EFCAB11: variants seen among roughly 807,000 people sequenced by gnomAD.
EFCAB11 encodes EF-hand calcium-binding domain-containing protein 11.
EFCAB11 carries 14 observed loss-of-function variants against 23.0 expected under a neutral mutation model. That is an observed-to-expected ratio of 0.61 (90% CI 0.40 to 0.95). The LOEUF is 0.95. Among genes scored for constraint, EFCAB11 ranks in the 40% least tolerant of loss-of-function variants. EFCAB11 has a pLI of 0.00. For synonymous variants in EFCAB11, 65 were observed against 66.6 expected (o/e 0.98, Z 0.11); for missense variants, 198 against 195.8 (o/e 1.01, Z -0.07).
At chr14:89,935,873 C>A (rs146911740) in intron 3 of EFCAB11, among the ~76,000 whole-genome samples, 1 of 151,942 alleles carries the variant, frequency 6.6e-6, no homozygotes, top group African/African-American at 2.4e-5. Context: ...CCAGGTGTGG[C>A]GGCATGCACC....
chr14:89,952,602 T>G lies in EFCAB11; in HGVS notation c.171+1304A>C, dbSNP rs1393914126. The G allele has an allele frequency of 1.8e-5, 18 of 985,348 alleles. No homozygotes were observed. The East Asian group carries it at 1.6e-3, about 87-fold the overall frequency. 61.0% of individuals were successfully genotyped at this position (985,348 alleles called of 1,614,324 possible). ...GCCACTCTGAACCCACCTGAGCTGTTCATGCAACCTACTTGGGTCAAGAGA... is the reference window on the plus strand; with the variant it reads ...GCCACTCTGAACCCACCTGAGCTGTGCATGCAACCTACTTGGGTCAAGAGA... On this transcript the variant is annotated intron_variant, in intron 2 of 5. Coordinates refer to ENST00000316738, the MANE Select transcript of EFCAB11 (RefSeq NM_145231.4).
chr14:89,906,559 G>A (rs1387548880), intron 5 of EFCAB11, among the ~76,000 whole-genome samples: 1 of 152,166 alleles, frequency 6.6e-6, no homozygotes, highest in Non-Finnish European at 1.5e-5. Context: ...ATATAACCTA[G>A]TAGGTTTTAA....
chr14:89,811,355 C>T (rs1219929437), intron 5 of EFCAB11, among the ~76,000 whole-genome samples: 1 of 152,020 alleles, frequency 6.6e-6, no homozygotes, highest in Non-Finnish European at 1.5e-5. Flanking sequence ...AGAAGGGGGC[C>T]GATGTGCTTG....
At chr14:89,893,013 T>C (rs556070335) in intron 5 of EFCAB11, among the ~76,000 whole-genome samples, 1 of 152,350 alleles carries the variant, frequency 6.6e-6, no homozygotes, top group East Asian at 1.9e-4. Flanking sequence ...AGATCCCACC[T>C]TGCAGGGAGG....
chr14:89,813,818 A>C (rs1375180058), intron 5 of EFCAB11, among the ~76,000 whole-genome samples: 1 of 152,176 alleles, frequency 6.6e-6, no homozygotes, highest in Non-Finnish European at 1.5e-5. Context: ...ACACTTCGAG[A>C]GTTTACATAA....
At chr14:89,889,685 C>T (rs763390719) in intron 5 of EFCAB11, among the ~76,000 whole-genome samples, 1 of 152,228 alleles carries the variant, frequency 6.6e-6, no homozygotes, top group Non-Finnish European at 1.5e-5. Context: ...TTTCCTTCTG[C>T]GAGTCTGAAA....
chr14:89,901,153 T>C (rs1211906126), intron 5 of EFCAB11, among the ~76,000 whole-genome samples: 1 of 152,226 alleles, frequency 6.6e-6, no homozygotes, highest in African/African-American at 2.4e-5. Flanking sequence ...TTCTTACCCC[T>C]ACTCTTCCCA....
Position 89,797,143 on chromosome 14 carries a change from T to G in EFCAB11, c.*100A>C. The G allele has an allele frequency of 8.6e-7, 1 of 1,169,508 alleles. No homozygotes were observed. Among genetic ancestry groups the G allele is most frequent in the Non-Finnish European group, 1.2e-6 (1 of 829,508 alleles). The allele number at this position is 1,169,508 out of a possible 1,614,324, so 72.4% of individuals were successfully genotyped here. A position where few individuals can be genotyped will look rare whatever the true frequency, so the allele number is the denominator to read the frequency against. ...ACAAAAATTAAAAATTTTTAAATGT[T>G]TAATCACAAGTCTGTAGCATGACAT... On this transcript the variant is annotated 3_prime_UTR_variant, in exon 6 of 6. Coordinates refer to ENST00000316738, the MANE Select transcript of EFCAB11 (RefSeq NM_145231.4).
chr14:89,904,166 CCCACCCTCTGT>C (rs1889422641), intron 5 of EFCAB11, among the ~76,000 whole-genome samples: 1 of 152,008 alleles, frequency 6.6e-6, no homozygotes, highest in African/African-American at 2.4e-5. Context: ...TGTGATGTTC[CCCACCCTCTGT>C]CCATGTGTTC....
At chr14:89,949,235 T>C (rs1034996935) in intron 3 of EFCAB11, among the ~76,000 whole-genome samples, 4 of 152,044 alleles carry the variant, frequency 2.6e-5, no homozygotes, top group South Asian at 2.1e-4. Flanking sequence ...AAACATCTCA[T>C]GTACCACCTC....
At chr14:89,930,472 G>A (rs549411476) in intron 5 of EFCAB11, among the ~76,000 whole-genome samples, 1 of 152,170 alleles carries the variant, frequency 6.6e-6, no homozygotes, top group African/African-American at 2.4e-5. Flanking sequence ...CCTTGCAGCT[G>A]TGCATGACCT....
At chr14:89,822,195 T>C (rs1446732156) in intron 5 of EFCAB11, among the ~76,000 whole-genome samples, 1 of 152,150 alleles carries the variant, frequency 6.6e-6, no homozygotes, top group African/African-American at 2.4e-5. Context: ...TAAAGCCAGT[T>C]CAAATGATTC....
chr14:89,871,169 T>C (rs1360520771), intron 5 of EFCAB11, among the ~76,000 whole-genome samples: 1 of 152,192 alleles, frequency 6.6e-6, no homozygotes, highest in Non-Finnish European at 1.5e-5. Flanking sequence ...GGTCTGAAGT[T>C]GGCAGACAAG....
intron 5 of EFCAB11, among the ~76,000 whole-genome samples, chr14:89,827,407 A>G (rs1886728877): frequency 6.6e-6 from 1 of 152,112 alleles, no homozygotes; most frequent in Non-Finnish European, 1.5e-5. Flanking sequence ...GACAGGAAGG[A>G]ACACTCGCCT....
rs112967608 is a variant in EFCAB11 at position 89,800,006 on chromosome 14, T to G, written c.411-2682A>C. 2.3e-3 allele frequency among the ~76,000 whole-genome samples: 345 copies of G among 152,048 alleles called. 2 individuals carry two copies. The highest frequency in any genetic ancestry group is 8.0e-3 in the African/African-American group (333 of 41,476). On this transcript the variant is annotated intron_variant, in intron 5 of 5. Transcript: ENST00000316738. ...TTCGAGACTAGCCTGGCCAATGTGG[T>G]GAAACCCAATCTCTACTAAAAATAC...
chr14:89,938,912 C>G (rs1044286115), intron 3 of EFCAB11, among the ~76,000 whole-genome samples: 1 of 149,562 alleles, frequency 6.7e-6, no homozygotes, highest in South Asian at 2.1e-4. Flanking sequence ...GCACTCCAGC[C>G]TGGGCAACAA....
intron 5 of EFCAB11, among the ~76,000 whole-genome samples, chr14:89,903,704 TA>T (rs1217075830): frequency 6.6e-6 from 1 of 152,164 alleles, no homozygotes; most frequent in Non-Finnish European, 1.5e-5. Flanking sequence ...CTACAAGAGA[TA>T]AAACAGAACT....
chr14:89,866,372 C>T (rs1376353417), intron 5 of EFCAB11, among the ~76,000 whole-genome samples: 1 of 152,218 alleles, frequency 6.6e-6, no homozygotes, highest in African/African-American at 2.4e-5. Flanking sequence ...CTGTTGCTCC[C>T]CTGCTTAAAA....
chr14:89,916,254 C>T lies in EFCAB11; in HGVS notation c.410+15287G>A, dbSNP rs929941061. The stretch of plus-strand genomic sequence containing the variant: ...CTACTTGTGATGATAAATTTGTAAC[C>T]CACAGAATAAATGGCACCAACTCTA... On this transcript the variant is annotated intron_variant, in intron 5 of 5. Coordinates refer to ENST00000316738, the MANE Select transcript of EFCAB11 (RefSeq NM_145231.4). 5.9e-5 allele frequency among the ~76,000 whole-genome samples: 9 copies of T among 152,050 alleles called. 1 individual carries two copies. The highest frequency in any genetic ancestry group is 3.3e-4 in the Admixed American group (5 of 15,268).
Sources: gnomAD v4.1 joint callset for allele counts (sites outside exome capture counted in the v4.1 genomes callset) on GRCh38, gnomAD v4.1.1 for gene constraint, MANE v1.5 for transcripts, NCBI Gene and HGNC (gene_info 2026-07-23, HGNC 2026-07-21) for gene names.